The following ESRRG variants were observed in gnomAD, a reference collection of about 807,000 sequenced individuals.
ESRRG encodes the protein estrogen-related receptor gamma.
Under a neutral mutation model 44.0 loss-of-function variants are expected in ESRRG, and 13 were observed. The ratio of observed to expected loss-of-function variants is 0.30; its 90% CI spans 0.19 to 0.47. The LOEUF is 0.47. ESRRG is among the 20% of genes least tolerant of loss of function. The pLI is 1.00. For synonymous variants in ESRRG, 215 were observed against 214.6 expected (o/e 1.00, Z -0.02); for missense variants, 395 against 580.6 (o/e 0.68, Z 3.29).
chr1:216,761,275 TAG>T (rs1169895706), intron 2 of ESRRG, among the ~76,000 whole-genome samples: 2 of 152,110 alleles, frequency 1.3e-5, no homozygotes, highest in African/African-American at 2.4e-5. Context: ...CTAGATCTTC[TAG>T]AGTCAGCTCT....
In ESRRG at chr1:216,898,336, G is replaced by A. The variant is rs12029398; in HGVS notation, c.-14+41246C>T. 1.5e-3 allele frequency among the ~76,000 whole-genome samples: 227 copies of A among 152,242 alleles called. 5 individuals carry two copies. The East Asian group carries it at 0.037, about 25-fold the overall frequency. ...AGACTACTATAAGAAGTTGGTACAT[G>A]GCCAGGCACGGTGGCTCACGCCTGT... is the stretch of plus-strand genomic sequence containing the variant. On this transcript the variant is annotated intron_variant, in intron 2 of 7. Transcript: ENST00000359162.
At chr1:216,510,391 T>C (rs2042354489) in intron 6 of ESRRG, among the ~76,000 whole-genome samples, 1 of 152,144 alleles carries the variant, frequency 6.6e-6, no homozygotes. Context: ...AAATAGAACT[T>C]TATCAAAACT....
At chr1:216,886,457 T>A (rs1043573347) in intron 2 of ESRRG, among the ~76,000 whole-genome samples, 16 of 152,160 alleles carry the variant, frequency 1.1e-4, no homozygotes, top group African/African-American at 3.6e-4. Flanking sequence ...ATATATCTAA[T>A]GGCAAACAAA....
intron 5 of ESRRG, among the ~76,000 whole-genome samples, chr1:216,538,811 T>G (rs543000728): frequency 1.3e-5 from 2 of 152,166 alleles, no homozygotes; most frequent in East Asian, 3.9e-4. Context: ...ATGATGAGGT[T>G]GCAAGATGTT....
chr1:216,733,934 G>A (rs11117667), intron 2 of ESRRG, among the ~76,000 whole-genome samples: 21,058 of 150,436 alleles, frequency 0.14, 1,528 homozygotes, highest in Middle Eastern at 0.21. Context: ...GGTTGGTGGA[G>A]GTCGCGCCAC....
At chr1:216,614,702 T>A (rs11572726) in intron 3 of ESRRG, among the ~76,000 whole-genome samples, 3 of 152,042 alleles carry the variant, frequency 2.0e-5, no homozygotes, top group African/African-American at 4.8e-5. Flanking sequence ...CTTGAAAGAG[T>A]TGGTTCTAAA....
rs571262426 is a variant in ESRRG at position 217,085,530 on chromosome 1, C to T, written c.-106+3977G>A. Reference sequence around the variant, plus strand: ...TTTTTTAGACGAAGTCTCACTCTGTCCCCAGGCTGAAGTGCAGTGGCGCCA... The same window carrying T: ...TTTTTTAGACGAAGTCTCACTCTGTTCCCAGGCTGAAGTGCAGTGGCGCCA... On this transcript the variant is annotated intron_variant, in intron 1 of 7. Transcript: ENST00000359162. 4.1e-3 allele frequency among the ~76,000 whole-genome samples: 550 copies of T among 132,554 alleles called. 3 individuals are homozygous for T. Among genetic ancestry groups the T allele is most frequent in the African/African-American group, 0.015 (521 of 34,524 alleles). 87.0% of individuals were successfully genotyped at this position (132,554 alleles called of 152,430 possible). A position where few individuals can be genotyped will look rare whatever the true frequency, so the allele number is the denominator to read the frequency against.
intron 3 of ESRRG, among the ~76,000 whole-genome samples, chr1:216,588,833 C>A (rs888069851): frequency 1.4e-4 from 22 of 152,006 alleles, no homozygotes; most frequent in African/African-American, 5.3e-4. Flanking sequence ...ATTGATTCTC[C>A]CCACCCCCAA....
At chr1:216,854,160 C>G (rs2095881860) in intron 2 of ESRRG, among the ~76,000 whole-genome samples, 1 of 151,710 alleles carries the variant, frequency 6.6e-6, no homozygotes, top group Non-Finnish European at 1.5e-5. Flanking sequence ...AGATGGAGAC[C>G]ATCCTGGCCA....
At chr1:216,611,841 G>A (rs1355429397) in intron 3 of ESRRG, among the ~76,000 whole-genome samples, 1 of 152,140 alleles carries the variant, frequency 6.6e-6, no homozygotes, top group Non-Finnish European at 1.5e-5. Context: ...CTTTCTTTTG[G>A]ATATGTTGAA....
chr1:217,119,034 G>T (rs1346298897), intron 1 of ESRRG, among the ~76,000 whole-genome samples: 1 of 151,338 alleles, frequency 6.6e-6, no homozygotes, highest in African/African-American at 2.4e-5. Flanking sequence ...TAGATAGATA[G>T]ATAGATAGAT....
intron 1 of ESRRG, among the ~76,000 whole-genome samples, chr1:216,703,577 T>A (rs193005276): frequency 1.3e-5 from 2 of 149,520 alleles, no homozygotes; most frequent in East Asian, 1.9e-4. Flanking sequence ...ATAAATGTAA[T>A]TTTTTTTTTG....
At chr1:216,685,687 G>A (rs1333488110) in intron 1 of ESRRG, among the ~76,000 whole-genome samples, 4 of 152,216 alleles carry the variant, frequency 2.6e-5, no homozygotes, top group African/African-American at 9.6e-5. Context: ...GTCAATGAAA[G>A]CTCAGGCTTC....
intron 1 of ESRRG, among the ~76,000 whole-genome samples, chr1:217,042,963 T>C (rs2084148477): frequency 6.6e-6 from 1 of 152,174 alleles, no homozygotes; most frequent in Non-Finnish European, 1.5e-5. Context: ...AGGACATTAA[T>C]GACACCTCTT....
chr1:216,508,243 A>G (rs2041742161), intron 6 of ESRRG, among the ~76,000 whole-genome samples: 1 of 152,234 alleles, frequency 6.6e-6, no homozygotes, highest in Non-Finnish European at 1.5e-5. Context: ...TAAAAATGAA[A>G]TATGGCAAAC....
In ESRRG at chr1:216,840,930, G is replaced by C. The variant is rs76310973; in HGVS notation, c.-14+98652C>G. Among the ~76,000 whole-genome samples, 489 of 152,216 alleles carry C rather than the reference G, an allele frequency of 3.2e-3. 19 individuals are homozygous for C. In the East Asian group the frequency reaches 0.087, roughly 27 times the overall value. ...AGATATAATAATAATGGGAAAGTTTGAAATACAGCAGAATACTGCAAAAAT... is the reference window on the plus strand; with the variant it reads ...AGATATAATAATAATGGGAAAGTTTCAAATACAGCAGAATACTGCAAAAAT... On this transcript the variant is annotated intron_variant, in intron 2 of 7. Transcript: ENST00000359162.
At chr1:216,904,116 C>G (rs537414239) in intron 2 of ESRRG, among the ~76,000 whole-genome samples, 1 of 152,200 alleles carries the variant, frequency 6.6e-6, no homozygotes, top group East Asian at 1.9e-4. Flanking sequence ...GCCCCTAGCA[C>G]AAAGGGACTC....
At chr1:216,907,273 A>C (rs185545564) in intron 2 of ESRRG, among the ~76,000 whole-genome samples, 3 of 152,310 alleles carry the variant, frequency 2.0e-5, no homozygotes, top group Non-Finnish European at 4.4e-5. Flanking sequence ...CAAAAAACCA[A>C]AATCCACTTC....
intron 2 of ESRRG, among the ~76,000 whole-genome samples, chr1:216,871,180 GCATTTT>G (rs2096254688): frequency 4.0e-5 from 6 of 151,834 alleles, no homozygotes; most frequent in Admixed American, 3.9e-4. Flanking sequence ...TTTAATATGT[GCATTTT>G]CATTTTCATT....
Sources: allele counts gnomAD v4.1 joint callset (sites outside exome capture counted in the v4.1 genomes callset), GRCh38; gene constraint gnomAD v4.1.1; transcripts MANE v1.5; gene names NCBI Gene and HGNC (gene_info 2026-07-23, HGNC 2026-07-21).